Variants in PARD3B observed in about 807,000 individuals in gnomAD.
PARD3B encodes par-3 family cell polarity regulator beta.
Under a neutral mutation model 130.2 loss-of-function variants are expected in PARD3B, and 103 were observed. That is an observed-to-expected ratio of 0.79 (90% confidence interval 0.67 to 0.93). The LOEUF is 0.93. Among genes scored for constraint, PARD3B ranks in the 40% least tolerant of loss-of-function variants. PARD3B has a pLI of 0.00. For synonymous variants in PARD3B, 583 were observed against 553.2 expected, an observed-to-expected ratio of 1.05 and a Z score of -0.76; for missense variants, 1,609 against 1,499.2, an observed-to-expected ratio of 1.07 and a Z score of -1.21.
chr2:204,947,991 A>C (rs1689469198), intron 2 of PARD3B, among the ~76,000 whole-genome samples: 2 of 152,214 alleles, frequency 1.3e-5, no homozygotes, highest in African/African-American at 4.8e-5. Context: ...TCAGGTCTCT[A>C]CAGGTGTTGC....
intron 10 of PARD3B, among the ~76,000 whole-genome samples, chr2:205,156,941 T>C (rs1258640899): frequency 6.6e-6 from 1 of 152,186 alleles, no homozygotes; most frequent in African/African-American, 2.4e-5. Context: ...TTGCTAAGAA[T>C]TAAATATAAT....
chr2:204,568,213 T>C (rs1344086793), intron 1 of PARD3B, among the ~76,000 whole-genome samples: 1 of 152,212 alleles, frequency 6.6e-6, no homozygotes, highest in African/African-American at 2.4e-5. Context: ...AGAAACATGG[T>C]CTCAGCTTCT....
chr2:205,430,213 G>A (rs2047282117), intron 19 of PARD3B, among the ~76,000 whole-genome samples: 1 of 152,164 alleles, frequency 6.6e-6, no homozygotes, highest in South Asian at 2.1e-4. Flanking sequence ...CTCCATATAT[G>A]CAGGTTCCTT....
intron 1 of PARD3B, among the ~76,000 whole-genome samples, chr2:204,665,708 C>G (rs2035993133): frequency 1.3e-5 from 2 of 152,142 alleles, no homozygotes; most frequent in Non-Finnish European, 1.5e-5. Flanking sequence ...AGTCTGTGAC[C>G]TCTAACTGGT....
chr2:204,627,318 G>T (rs1388387461), intron 1 of PARD3B, among the ~76,000 whole-genome samples: 1 of 152,068 alleles, frequency 6.6e-6, no homozygotes, highest in Non-Finnish European at 1.5e-5. Context: ...TCATTCTAAA[G>T]TAAATTGCAA....
At chr2:205,464,401 GGGTATTAATGTGT>G (rs2048554757) in intron 20 of PARD3B, among the ~76,000 whole-genome samples, 1 of 152,122 alleles carries the variant, frequency 6.6e-6, no homozygotes, top group African/African-American at 2.4e-5. Flanking sequence ...CTCGTAGACT[GGGTATTAATGTGT>G]GGTCTCAGCC....
chr2:204,685,548 AC>A (rs1191175563), intron 1 of PARD3B, among the ~76,000 whole-genome samples: 1 of 152,134 alleles, frequency 6.6e-6, no homozygotes, highest in African/African-American at 2.4e-5. Context: ...TTTAATTACT[AC>A]CCCAACTCAG....
At chr2:205,340,199 C>G (rs770368757) in intron 18 of PARD3B, among the ~76,000 whole-genome samples, 2 of 151,982 alleles carry the variant, frequency 1.3e-5, no homozygotes, top group Non-Finnish European at 2.9e-5. Flanking sequence ...ATTATTAATT[C>G]TGAAGATCTT....
chr2:205,524,681 T>G (rs767346060), intron 21 of PARD3B, among the ~76,000 whole-genome samples: 1 of 152,220 alleles, frequency 6.6e-6, no homozygotes, highest in Non-Finnish European at 1.5e-5. Context: ...CCAGGTGTGC[T>G]GTTCAGAATG....
chr2:205,571,880 C>G (rs2053571714), intron 22 of PARD3B, among the ~76,000 whole-genome samples: 1 of 152,146 alleles, frequency 6.6e-6, no homozygotes, highest in Admixed American at 6.5e-5. Context: ...GCACTTTATG[C>G]ATAGGAAGAA....
intron 15 of PARD3B, among the ~76,000 whole-genome samples, chr2:205,217,167 G>T (rs2037959536): frequency 6.6e-6 from 1 of 152,134 alleles, no homozygotes; most frequent in African/African-American, 2.4e-5. Flanking sequence ...ATACTGTCTA[G>T]CCAGAAAGTA....
chr2:205,193,028 T>A (rs1489646102), intron 14 of PARD3B, among the ~76,000 whole-genome samples, 177 bp from the exon 15 acceptor site: 2 of 152,200 alleles, frequency 1.3e-5, no homozygotes, highest in African/African-American at 4.8e-5. Context: ...ATAAAATACA[T>A]GAAAACAGAG....
intron 1 of PARD3B, among the ~76,000 whole-genome samples, chr2:204,639,110 G>C (rs563898839): frequency 5.6e-4 from 85 of 152,262 alleles, no homozygotes; most frequent in African/African-American, 1.9e-3. Flanking sequence ...CAGGGAAAAA[G>C]CTATAGGACA....
chr2:204,989,711 C>A (rs1257001731), intron 3 of PARD3B, among the ~76,000 whole-genome samples: 1 of 152,052 alleles, frequency 6.6e-6, no homozygotes, highest in Non-Finnish European at 1.5e-5. Context: ...TGGAAGTATA[C>A]TGAAAATTTT....
chr2:205,600,707 A>C (rs2054750058), intron 22 of PARD3B, among the ~76,000 whole-genome samples: 3 of 152,070 alleles, frequency 2.0e-5, no homozygotes, highest in Admixed American at 1.3e-4. Flanking sequence ...CTCTGTATCC[A>C]TGTGTTCTCA....
At chr2:204,659,698 G>A (rs897727479) in intron 1 of PARD3B, among the ~76,000 whole-genome samples, 5 of 152,288 alleles carry the variant, frequency 3.3e-5, no homozygotes, top group South Asian at 2.1e-4. Context: ...ATGTCAGGAT[G>A]TGGTTGGCAC....
intron 2 of PARD3B, among the ~76,000 whole-genome samples, chr2:204,718,821 T>G (rs1419063389): frequency 6.6e-6 from 1 of 152,212 alleles, no homozygotes; most frequent in Non-Finnish European, 1.5e-5. Context: ...GAGCAATCAG[T>G]TGTGTTGAGT....
In PARD3B at chr2:205,608,334, C is replaced by A. The variant is rs1575477268; in HGVS notation, c.3261-7122C>A. 3.9e-5 allele frequency among the ~76,000 whole-genome samples: 6 copies of A among 152,228 alleles called. No individual in the cohort carries two copies. In the South Asian group the frequency reaches 1.2e-3, roughly 32 times the overall value. On this transcript the variant is annotated intron_variant, in intron 22 of 22. Transcript: ENST00000406610. ...AGACGAAATCCACAGTGTTTAGATA[C>A]TGAAATTCTAGGACCACAGTTACAA...
At chr2:205,537,568 G>T (rs6435286) in intron 21 of PARD3B, among the ~76,000 whole-genome samples, 1 of 152,036 alleles carries the variant, frequency 6.6e-6, no homozygotes, top group Non-Finnish European at 1.5e-5. Context: ...TCCACCAGTC[G>T]GCAGGGCTAA....
Sources: gnomAD v4.1 joint callset for allele counts (sites outside exome capture counted in the v4.1 genomes callset) on GRCh38, gnomAD v4.1.1 for gene constraint, MANE v1.5 for transcripts, NCBI Gene and HGNC (gene_info 2026-07-23, HGNC 2026-07-21) for gene names.